Variants in PCSK5 observed in about 807,000 individuals in gnomAD.
The protein encoded by PCSK5 is proprotein convertase subtilisin/kexin type 5, also known as prohormone convertase 5.
A neutral mutation model predicts 233.2 loss-of-function variants in PCSK5; 129 were observed. The observed-to-expected ratio is 0.55, with a 90% CI of 0.48 to 0.64. The LOEUF is 0.64. Among genes scored for constraint, PCSK5 ranks in the 30% least tolerant of loss-of-function variants. The pLI, the probability that PCSK5 is intolerant of heterozygous loss-of-function variation, is 0.00. For synonymous variants in PCSK5, 825 were observed against 879.2 expected (o/e 0.94, Z 1.09); for missense variants, 2,076 against 2,430.1 (o/e 0.85, Z 3.06).
chr9:75,919,060 T>G (rs1006183688), intron 1 of PCSK5, among the ~76,000 whole-genome samples: 2 of 152,206 alleles, frequency 1.3e-5, no homozygotes, highest in Non-Finnish European at 2.9e-5. Flanking sequence ...GCCACCACCA[T>G]AAGAAACAGA....
At chr9:76,212,864 A>G (rs2131288367) in intron 20 of PCSK5, among the ~76,000 whole-genome samples, 1 of 152,352 alleles carries the variant, frequency 6.6e-6, no homozygotes, top group Non-Finnish European at 1.5e-5. Flanking sequence ...GTTAAGTAGC[A>G]AGCCTAAAAC....
rs994320325 is a variant in PCSK5 at position 76,230,783 on chromosome 9, A to G, written c.2730-2677A>G. Among the ~76,000 whole-genome samples the G allele has an allele frequency of 1.9e-4, 29 of 151,898 alleles. 1 individual carries two copies. The highest frequency in any genetic ancestry group is 6.5e-4 in the African/African-American group (27 of 41,326). ...GGTTGCGTGCTCATTATGAGAATCT[A>G]ATGCCTGATGATCTCTCACTGCCTC... is the stretch of plus-strand genomic sequence containing the variant. On this transcript the variant is annotated intron_variant, in intron 21 of 37. Coordinates refer to ENST00000674117, the MANE Select transcript of PCSK5 (RefSeq NM_001372043.1).
rs377362498 is a variant in PCSK5 at position 76,026,944 on chromosome 9, C to T, written c.556-17C>T. On this transcript the variant is annotated splice_polypyrimidine_tract_variant and intron_variant, in intron 4 of 37. Transcript: ENST00000674117. ...ATGTCCATTTCCTTTCCCTTGCTCT[C>T]TCCTCTGTGGCCATAGGATGCTCTG... is the stretch of plus-strand genomic sequence containing the variant. The T allele has an allele frequency of 7.6e-6, 12 of 1,585,280 alleles. No individual in the cohort carries two copies. Among genetic ancestry groups the T allele is most frequent in the Non-Finnish European group, 1.0e-5 (12 of 1,157,180 alleles).
intron 20 of PCSK5, chr9:76,193,220 G>GCTGA (rs1220834062): frequency 9.9e-6 from 16 of 1,610,748 alleles, no homozygotes; most frequent in Non-Finnish European, 1.4e-5. Context: ...CTTCTCTCTT[G>GCTGA]CTGACTTCTG....
intron 15 of PCSK5, among the ~76,000 whole-genome samples, chr9:76,180,647 C>T (rs374527005): frequency 1.1e-4 from 16 of 152,128 alleles, no homozygotes; most frequent in East Asian, 5.8e-4. Flanking sequence ...GGCGAAAACT[C>T]ACTAAGCATA....
In PCSK5 at chr9:76,208,937, A is replaced by C. The variant is rs548983333; in HGVS notation, c.2627-18566A>C. On this transcript the variant is annotated intron_variant, in intron 20 of 37. Coordinates refer to ENST00000674117, the MANE Select transcript of PCSK5 (RefSeq NM_001372043.1). ...GAAACTTAGCACCCCTCTCTAATAT[A>C]TTTTTGTCAACTGATATCATTCTCT... 2.6e-5 allele frequency among the ~76,000 whole-genome samples: 4 copies of C among 152,240 alleles called. No homozygotes were observed. In the South Asian group the frequency reaches 8.3e-4, roughly 32 times the overall value.
At chr9:76,053,379 G>A (rs1469208309) in intron 5 of PCSK5, among the ~76,000 whole-genome samples, 1 of 152,130 alleles carries the variant, frequency 6.6e-6, no homozygotes, top group Non-Finnish European at 1.5e-5. Context: ...CAAACATCTG[G>A]CTTATGGTTA....
intron 24 of PCSK5, among the ~76,000 whole-genome samples, chr9:76,291,573 G>A (rs1458669030): frequency 6.6e-6 from 1 of 152,160 alleles, no homozygotes; most frequent in East Asian, 1.9e-4. Context: ...GAAGTGTTAG[G>A]AGGGAGAGAA....
intron 10 of PCSK5, among the ~76,000 whole-genome samples, chr9:76,134,980 G>A (rs993208076): frequency 2.0e-5 from 3 of 151,992 alleles, no homozygotes; most frequent in African/African-American, 7.2e-5. Flanking sequence ...AATCTAACTT[G>A]TAACAAACAT....
chr9:76,282,280 G>T (rs7856503), intron 24 of PCSK5, among the ~76,000 whole-genome samples: 14,973 of 147,774 alleles, frequency 0.1, 866 homozygotes, highest in African/African-American at 0.17. Context: ...ACTGTGCCTG[G>T]CCAATTTTTT....
chr9:76,205,346 G>A (rs1328539959), intron 20 of PCSK5, among the ~76,000 whole-genome samples: 3 of 152,120 alleles, frequency 2.0e-5, no homozygotes, highest in South Asian at 2.1e-4. Flanking sequence ...CGAGACATTC[G>A]CAGACCATAG....
chr9:76,197,170 C>T (rs1248307293), intron 20 of PCSK5, among the ~76,000 whole-genome samples: 2 of 152,188 alleles, frequency 1.3e-5, no homozygotes, highest in Non-Finnish European at 2.9e-5. Flanking sequence ...ATCTAATTAT[C>T]TATTGCTACA....
At position 76,175,098 on chromosome 9, in the gene PCSK5, C is replaced by T. The variant is rs10124541; in HGVS notation, c.1869C>T (p.Pro623=). ...TCCGCTATAGCCGAGTTGAAGACCCCACAGACGACTATGGCACAGAGGATT... is the reference window on the plus strand; with the variant it reads ...TCCGCTATAGCCGAGTTGAAGACCCTACAGACGACTATGGCACAGAGGATT... ...ERFRYSRVED[P]TDDYGTEDYA... The change falls in exon 14 of 38, where the codon CCC becomes CCT. Residue 623 remains proline (P), a synonymous_variant. Coordinates refer to ENST00000674117, the MANE Select transcript of PCSK5 (RefSeq NM_001372043.1). 8.7e-4 allele frequency: 1,411 copies of T among 1,614,084 alleles called. 15 individuals carry two copies. In the African/African-American group the frequency reaches 0.017, roughly 20 times the overall value.
intron 24 of PCSK5, among the ~76,000 whole-genome samples, chr9:76,243,638 AC>A (rs1211077686): frequency 1.3e-5 from 2 of 152,144 alleles, no homozygotes; most frequent in East Asian, 3.9e-4. Context: ...CAGCGAGAAT[AC>A]CTTTTAGAGG....
intron 22 of PCSK5, 102 bp from the exon 23 acceptor site, chr9:76,238,857 C>G (rs759680583): frequency 4.8e-6 from 4 of 827,808 alleles, no homozygotes; most frequent in Non-Finnish European, 5.8e-6. Context: ...GAAAAAAAAG[C>G]ACTCAGTCGC....
intron 5 of PCSK5, among the ~76,000 whole-genome samples, chr9:76,049,243 A>G (rs1829537235): frequency 6.6e-6 from 1 of 152,202 alleles, no homozygotes; most frequent in Middle Eastern, 3.2e-3. Context: ...ATACCATCAT[A>G]ATAAAAACCC....
At chr9:76,079,370 C>G (rs1830755931) in intron 7 of PCSK5, among the ~76,000 whole-genome samples, 1 of 152,010 alleles carries the variant, frequency 6.6e-6, no homozygotes, top group African/African-American at 2.4e-5. Flanking sequence ...AACTGCTGAC[C>G]TCAGGTGATC....
chr9:76,250,736 G>C (rs1826774651), intron 24 of PCSK5, among the ~76,000 whole-genome samples: 1 of 152,188 alleles, frequency 6.6e-6, no homozygotes, highest in Admixed American at 6.5e-5. Flanking sequence ...TTCTGAAACA[G>C]AGAAAAGACA....
intron 5 of PCSK5, among the ~76,000 whole-genome samples, chr9:76,056,120 A>G (rs1192308759): frequency 6.6e-6 from 1 of 152,218 alleles, no homozygotes; most frequent in Non-Finnish European, 1.5e-5. Context: ...AAGTAGACAG[A>G]ATCCGTGAAC....
Sources: allele counts gnomAD v4.1 joint callset (sites outside exome capture counted in the v4.1 genomes callset), GRCh38; gene constraint gnomAD v4.1.1; transcripts MANE v1.5; gene names NCBI Gene and HGNC (gene_info 2026-07-23, HGNC 2026-07-21).